The following ADARB2 variants were observed in gnomAD, a reference collection of about 807,000 sequenced individuals.
The protein encoded by ADARB2 is adenosine deaminase RNA specific B2 (inactive), also known as inactive double-stranded RNA-specific editase B2.
ADARB2 carries 25 observed loss-of-function variants against 62.2 expected under a neutral mutation model. The observed-to-expected ratio is 0.40, with a 90% CI of 0.29 to 0.56. The LOEUF (loss-of-function observed/expected upper bound fraction) is 0.56, where lower values mean the gene tolerates loss of function less well. Ranked by LOEUF, ADARB2 falls within the 20% of genes least tolerant of loss-of-function variation. The probability of loss-of-function intolerance (pLI) is 0.43; values close to 1 mark genes in which losing one functional copy is unlikely to be tolerated. For synonymous variants in ADARB2, 572 were observed against 500.8 expected (o/e 1.14, Z -1.90); for missense variants, 1,071 against 1,077.4 (o/e 0.99, Z 0.08).
chr10:1,400,004 G>A (rs748975147), intron 1 of ADARB2, among the ~76,000 whole-genome samples: 1 of 152,216 alleles, frequency 6.6e-6, no homozygotes, highest in South Asian at 2.1e-4. Context: ...TATTTTGGAG[G>A]TTGGCTTTGA....
chr10:1,214,155 G>A (rs1029080856), intron 7 of ADARB2, among the ~76,000 whole-genome samples: 1 of 114,336 alleles, frequency 8.7e-6, no homozygotes, highest in East Asian at 2.9e-4. Flanking sequence ...GTCCAGCGTA[G>A]TGTAGGTTTG....
At chr10:1,725,681 A>G (rs1835154813) in intron 1 of ADARB2, among the ~76,000 whole-genome samples, 1 of 152,240 alleles carries the variant, frequency 6.6e-6, no homozygotes, top group Admixed American at 6.5e-5. Flanking sequence ...ACAGAAGGCC[A>G]CGCTGCCGCA....
At chr10:1,567,708 G>T (rs964443016) in intron 1 of ADARB2, among the ~76,000 whole-genome samples, 1 of 152,198 alleles carries the variant, frequency 6.6e-6, no homozygotes, top group Non-Finnish European at 1.5e-5. Context: ...TCGATGTCTT[G>T]GAGGCAGACC....
intron 3 of ADARB2, among the ~76,000 whole-genome samples, chr10:1,360,065 C>G (rs1386553962): frequency 1.3e-5 from 2 of 152,240 alleles, no homozygotes; most frequent in African/African-American, 4.8e-5. Flanking sequence ...TACCGAAACA[C>G]CATGGATCCA....
rs1390382445 is a variant in ADARB2, at chr10:1,704,412, G to A, written c.100+32639C>T. Among the ~76,000 whole-genome samples the A allele has an allele frequency of 6.6e-6, 1 of 152,184 alleles. No individual in the cohort carries two copies. The highest frequency in any genetic ancestry group is 6.5e-5 in the Admixed American group (1 of 15,284). ...TCATCAGGCATTAGATTTTCATAAG[G>A]AGTCTGCAACCTGGATCCCTTACAA... is the stretch of plus-strand genomic sequence containing the variant. On this transcript the variant is annotated intron_variant, in intron 1 of 9. Transcript: ENST00000381312. The surrounding 1 kb of genome is among the most constrained non-coding windows in gnomAD (Gnocchi z 5.6).
chr10:1,727,461 CAG>C (rs1835180901), intron 1 of ADARB2, among the ~76,000 whole-genome samples: 1 of 152,176 alleles, frequency 6.6e-6, no homozygotes, highest in Non-Finnish European at 1.5e-5. Flanking sequence ...TCCCCTCTCC[CAG>C]AGAGTTCCGA....
At chr10:1,227,083 A>C (rs986313532) in intron 6 of ADARB2, among the ~76,000 whole-genome samples, 37 of 152,336 alleles carry the variant, frequency 2.4e-4, no homozygotes, top group African/African-American at 8.9e-4. Context: ...TTGTTTATCT[A>C]ATCAAACAAC....
intron 1 of ADARB2, among the ~76,000 whole-genome samples, chr10:1,422,883 A>C (rs1832863187): frequency 6.6e-6 from 1 of 151,398 alleles, no homozygotes; most frequent in Non-Finnish European, 1.5e-5. Context: ...ATCACTCTCC[A>C]CTCCATTTTG....
intron 1 of ADARB2, among the ~76,000 whole-genome samples, chr10:1,667,437 T>G (rs377026469): frequency 2.0e-5 from 3 of 152,258 alleles, no homozygotes; most frequent in Non-Finnish European, 4.4e-5. Context: ...TGGGGTTCTC[T>G]GTAAATATGT....
At chr10:1,598,668 G>A (rs1833367900) in intron 1 of ADARB2, among the ~76,000 whole-genome samples, 1 of 152,216 alleles carries the variant, frequency 6.6e-6, no homozygotes, top group African/African-American at 2.4e-5. Context: ...CCCTGGGCAG[G>A]AGGAGCCCAC....
chr10:1,282,570 T>A (rs1172135142), intron 3 of ADARB2, among the ~76,000 whole-genome samples: 1 of 152,242 alleles, frequency 6.6e-6, no homozygotes, highest in East Asian at 1.9e-4. Context: ...ACACTAGGGA[T>A]GTTTAATGTT....
At chr10:1,522,685 C>G (rs1016318003) in intron 1 of ADARB2, among the ~76,000 whole-genome samples, 1 of 152,228 alleles carries the variant, frequency 6.6e-6, no homozygotes, top group Non-Finnish European at 1.5e-5. Context: ...AGCAATCATT[C>G]CTCTCCTTCT....
chr10:1,199,884 G>A (rs1247988969), intron 8 of ADARB2, 82 bp downstream of exon 8: 2 of 1,371,452 alleles, frequency 1.5e-6, no homozygotes, highest in Middle Eastern at 2.6e-4. Context: ...TGAAGTCTGC[G>A]AGGGATGGCA....
At chr10:1,343,475 A>G (rs189048221) in intron 3 of ADARB2, among the ~76,000 whole-genome samples, 3 of 152,386 alleles carry the variant, frequency 2.0e-5, no homozygotes, top group Non-Finnish European at 4.4e-5. Context: ...AAATTCTCAA[A>G]GAACTTAAAA....
intron 1 of ADARB2, among the ~76,000 whole-genome samples, chr10:1,459,442 A>G (rs930582723): frequency 2.6e-5 from 4 of 152,142 alleles, no homozygotes; most frequent in African/African-American, 9.7e-5. Flanking sequence ...CAAACACCTC[A>G]TGTTCTCACA....
chr10:1,662,370 T>A (rs1834259459), intron 1 of ADARB2, among the ~76,000 whole-genome samples: 1 of 152,116 alleles, frequency 6.6e-6, no homozygotes. Flanking sequence ...GCGCCCTGAT[T>A]GAACCGGGGC....
chr10:1,375,590 T>G (rs969486785), intron 2 of ADARB2, among the ~76,000 whole-genome samples: 1 of 152,156 alleles, frequency 6.6e-6, no homozygotes, highest in African/African-American at 2.4e-5. Flanking sequence ...ACACGCCAGG[T>G]GGGATGAGAA....
chr10:1,619,216 T>C (rs1833679445), intron 1 of ADARB2, among the ~76,000 whole-genome samples: 1 of 148,814 alleles, frequency 6.7e-6, no homozygotes, highest in Non-Finnish European at 1.5e-5. Flanking sequence ...TCAGATTAGA[T>C]AAATAAGTAA....
chr10:1,234,697 C>A (rs1830846439), intron 5 of ADARB2, among the ~76,000 whole-genome samples: 1 of 147,310 alleles, frequency 6.8e-6, no homozygotes, highest in African/African-American at 2.5e-5. Context: ...TTGCCCCAGG[C>A]TCCGAAAGTG....
Sources: allele counts gnomAD v4.1 joint callset (sites outside exome capture counted in the v4.1 genomes callset), GRCh38; gene constraint gnomAD v4.1.1; non-coding constraint Gnocchi (gnomAD v3.1); transcripts MANE v1.5; gene names NCBI Gene and HGNC (gene_info 2026-07-23, HGNC 2026-07-21).